The following LOC400499 variants were observed in gnomAD, a reference collection of about 807,000 sequenced individuals.
chr16:11,413,952 C>T, the LOC400499 span, among the ~76,000 whole-genome samples: 7 of 152,262 alleles, frequency 4.6e-5, no homozygotes, highest in East Asian at 1.9e-4. Flanking sequence ...TTGGTAAGGA[C>T]GGTGCCATCC....
the LOC400499 span, among the ~76,000 whole-genome samples, chr16:11,499,942 T>C: frequency 6.6e-6 from 1 of 152,334 alleles, no homozygotes; most frequent in South Asian, 2.1e-4. Flanking sequence ...CTCGGTTTTC[T>C]CACCTGCAAA....
chr16:11,488,240 C>T, the LOC400499 span, among the ~76,000 whole-genome samples: 1 of 152,000 alleles, frequency 6.6e-6, no homozygotes, highest in Admixed American at 6.6e-5. Flanking sequence ...TAGACAATTT[C>T]CTCTTTAACA....
the LOC400499 span, among the ~76,000 whole-genome samples, chr16:11,433,211 C>A: frequency 6.6e-6 from 1 of 152,230 alleles, no homozygotes; most frequent in African/African-American, 2.4e-5. Flanking sequence ...AGTCTGCCAA[C>A]TCCTGACCTA....
chr16:11,450,486 C>G, the LOC400499 span: 2 of 919,094 alleles, frequency 2.2e-6, no homozygotes, highest in Non-Finnish European at 3.2e-6. Context: ...CTGGGAGGGC[C>G]AGACTTCACA....
chr16:11,416,864 G>A, the LOC400499 span, among the ~76,000 whole-genome samples: 49,980 of 151,930 alleles, frequency 0.33, 8,281 homozygotes, highest in Non-Finnish European at 0.35. Flanking sequence ...AACAAGTAGG[G>A]CTGGGGGCTG....
At chr16:11,403,017 G>C in the LOC400499 span, among the ~76,000 whole-genome samples, 64 of 152,012 alleles carry the variant, frequency 4.2e-4, no homozygotes, top group Admixed American at 3.9e-3. Context: ...CGCAACAACA[G>C]ATGGCCTCCA....
chr16:11,409,019 G>C, the LOC400499 span, among the ~76,000 whole-genome samples: 3 of 151,994 alleles, frequency 2.0e-5, no homozygotes, highest in African/African-American at 4.8e-5. Context: ...CCAGCACTTT[G>C]GGAGGCTGAG....
the LOC400499 span, chr16:11,424,186 G>A: frequency 2.5e-6 from 1 of 399,402 alleles, no homozygotes; most frequent in Non-Finnish European, 4.4e-6. Flanking sequence ...GTGTGACGGA[G>A]GCTGGCATGG....
the LOC400499 span, chr16:11,425,531 G>C: frequency 2.5e-6 from 1 of 398,048 alleles, no homozygotes; most frequent in East Asian, 3.6e-5. Flanking sequence ...GAAGTTGCTA[G>C]ATTCATGATG....
the LOC400499 span, chr16:11,384,350 C>T: frequency 8.3e-7 from 1 of 1,204,304 alleles, no homozygotes; most frequent in Non-Finnish European, 1.0e-6. Flanking sequence ...GAAGCGGAGG[C>T]CGGCCGTAAG....
the LOC400499 span, among the ~76,000 whole-genome samples, chr16:11,492,067 C>G: frequency 2.1e-3 from 322 of 152,296 alleles, 3 homozygotes; most frequent in African/African-American, 7.3e-3. Context: ...CAGCCCCAGC[C>G]TAGAGCCTCA....
chr16:11,393,106 G>A, the LOC400499 span, among the ~76,000 whole-genome samples: 1,242 of 151,780 alleles, frequency 8.2e-3, 21 homozygotes, highest in African/African-American at 0.029. Flanking sequence ...CACCCACCTC[G>A]GCCTCCCAAA....
At chr16:11,466,240 G>C in the LOC400499 span, among the ~76,000 whole-genome samples, 2 of 152,290 alleles carry the variant, frequency 1.3e-5, no homozygotes, top group African/African-American at 4.8e-5. Context: ...AGGGGTGGGA[G>C]AGAGGTTTTG....
the LOC400499 span, among the ~76,000 whole-genome samples, chr16:11,518,296 A>C: frequency 2.0e-5 from 3 of 152,120 alleles, no homozygotes; most frequent in African/African-American, 7.2e-5. Flanking sequence ...TCTGCAGAGA[A>C]GGAGTTGTCT....
chr16:11,480,779 T>C, the LOC400499 span, among the ~76,000 whole-genome samples: 20 of 152,282 alleles, frequency 1.3e-4, no homozygotes, highest in African/African-American at 4.6e-4. Context: ...AACTGATGGA[T>C]ACAGAAATTG....
chr16:11,477,817 A>T, the LOC400499 span: 6 of 398,890 alleles, frequency 1.5e-5, no homozygotes, highest in Non-Finnish European at 2.2e-5. Context: ...CAGGAGCTAG[A>T]TACCTGGGCT....
At chr16:11,490,662 C>T in the LOC400499 span, among the ~76,000 whole-genome samples, 1 of 152,176 alleles carries the variant, frequency 6.6e-6, no homozygotes, top group Non-Finnish European at 1.5e-5. Context: ...GATCACACCA[C>T]TGCACTCCAG....
the LOC400499 span, among the ~76,000 whole-genome samples, chr16:11,379,080 A>T: frequency 2.0e-5 from 3 of 152,216 alleles, no homozygotes; most frequent in African/African-American, 7.2e-5. Context: ...CCTGGACAAC[A>T]TGGTGAAACC....
the LOC400499 span, among the ~76,000 whole-genome samples, chr16:11,444,044 T>C: frequency 2.6e-5 from 4 of 152,058 alleles, no homozygotes; most frequent in African/African-American, 7.2e-5. Context: ...TTTTACCATA[T>C]TGGCCAGGCT....
Sources: gnomAD v4.1 joint callset for allele counts (sites outside exome capture counted in the v4.1 genomes callset) on GRCh38, gnomAD v4.1.1 for gene constraint, MANE v1.5 for transcripts.